Variants in XKR4 observed in about 807,000 individuals in gnomAD.
XKR4 encodes XK-related protein 4.
Under a neutral mutation model 53.9 loss-of-function variants are expected in XKR4, and 12 were observed. The ratio of observed to expected loss-of-function variants is 0.22; its 90% CI spans 0.14 to 0.36. The LOEUF is 0.36. XKR4 is among the 10% of genes least tolerant of loss of function. The probability of loss-of-function intolerance (pLI) is 1.00; values close to 1 mark genes in which losing one functional copy is unlikely to be tolerated. For missense variants in XKR4, 799 were observed against 859.5 expected (o/e 0.93, Z 0.88); for synonymous variants, 354 against 362.4 (o/e 0.98, Z 0.26).
At chr8:55,464,012 A>C (rs939208327) in intron 2 of XKR4, among the ~76,000 whole-genome samples, 6 of 152,148 alleles carry the variant, frequency 3.9e-5, no homozygotes, top group African/African-American at 1.4e-4. Context: ...AAAGTCCAGG[A>C]CCAGATGGAT....
intron 1 of XKR4, among the ~76,000 whole-genome samples, chr8:55,219,604 G>GA (rs1817853349): frequency 2.6e-5 from 4 of 152,270 alleles, no homozygotes; most frequent in African/African-American, 7.2e-5. Flanking sequence ...AATTTCTGAT[G>GA]AATCAGAAAT....
At chr8:55,213,834 A>ATACT (rs1817761815) in intron 1 of XKR4, among the ~76,000 whole-genome samples, 1 of 145,670 alleles carries the variant, frequency 6.9e-6, no homozygotes, top group African/African-American at 2.6e-5. Flanking sequence ...TTTACTATTA[A>ATACT]TACTTCTTTT....
intron 1 of XKR4, among the ~76,000 whole-genome samples, chr8:55,308,285 T>C (rs1351844796): frequency 1.3e-5 from 2 of 152,022 alleles, no homozygotes; most frequent in African/African-American, 4.8e-5. Flanking sequence ...TAAATAAAGA[T>C]ACTACCAGAG....
chr8:55,115,678 G>T (rs1433747019), intron 1 of XKR4, among the ~76,000 whole-genome samples: 1 of 152,026 alleles, frequency 6.6e-6, no homozygotes, highest in Admixed American at 6.5e-5. Context: ...AGCTACTCTG[G>T]AGGCTAAGGC....
chr8:55,193,314 C>A (rs1817467221), intron 1 of XKR4, among the ~76,000 whole-genome samples: 1 of 152,052 alleles, frequency 6.6e-6, no homozygotes, highest in Non-Finnish European at 1.5e-5. Context: ...CTGTGGTTCC[C>A]TTGTTTTTCG....
At chr8:55,506,648 A>G (rs1806529633) in intron 2 of XKR4, among the ~76,000 whole-genome samples, 1 of 152,148 alleles carries the variant, frequency 6.6e-6, no homozygotes, top group Non-Finnish European at 1.5e-5. Context: ...TCCCTAACTA[A>G]TATCTGAGAA....
chr8:55,254,710 C>T (rs1359242297), intron 1 of XKR4, among the ~76,000 whole-genome samples: 1 of 152,158 alleles, frequency 6.6e-6, no homozygotes, highest in East Asian at 1.9e-4. Context: ...ACCGCATGCT[C>T]TCTAGAGTCA....
intron 1 of XKR4, among the ~76,000 whole-genome samples, chr8:55,209,596 G>A (rs978207983): frequency 4.6e-5 from 7 of 152,268 alleles, no homozygotes; most frequent in African/African-American, 9.6e-5. Context: ...GGTGTGCTCC[G>A]CGGACGTGCC....
intron 1 of XKR4, among the ~76,000 whole-genome samples, chr8:55,298,236 A>G (rs1563318487): frequency 6.6e-6 from 1 of 152,188 alleles, no homozygotes. Flanking sequence ...TTGTAAAATA[A>G]TGTAAAAACT....
At chr8:55,149,281 A>G (rs1031156851) in intron 1 of XKR4, among the ~76,000 whole-genome samples, 4 of 152,262 alleles carry the variant, frequency 2.6e-5, no homozygotes, top group Non-Finnish European at 5.9e-5. Flanking sequence ...ACTTTAGTCA[A>G]CTAGTTCTCT....
intron 2 of XKR4, among the ~76,000 whole-genome samples, chr8:55,474,834 G>C (rs76270289): frequency 0.015 from 2,257 of 152,132 alleles, 33 homozygotes; most frequent in Middle Eastern, 0.024. Flanking sequence ...GGACACCCAG[G>C]CACCACATTA....
intron 1 of XKR4, among the ~76,000 whole-genome samples, chr8:55,243,235 T>C (rs1035455274): frequency 6.6e-6 from 1 of 152,166 alleles, no homozygotes; most frequent in African/African-American, 2.4e-5. Context: ...CTCTTCGTGG[T>C]GTACATTGTT....
intron 1 of XKR4, among the ~76,000 whole-genome samples, chr8:55,195,570 A>G (rs530619693): frequency 1.3e-5 from 2 of 152,126 alleles, no homozygotes; most frequent in Admixed American, 1.3e-4. Flanking sequence ...CTAGTTTTTT[A>G]AAAACCGTTT....
chr8:55,378,634 T>A (rs562456577), intron 2 of XKR4, among the ~76,000 whole-genome samples: 1 of 152,234 alleles, frequency 6.6e-6, no homozygotes, highest in South Asian at 2.1e-4. Context: ...TTTATTCTGT[T>A]CAAAACTGCA....
At chr8:55,306,977 A>C (rs780405255) in intron 1 of XKR4, among the ~76,000 whole-genome samples, 11 of 151,940 alleles carry the variant, frequency 7.2e-5, no homozygotes, top group Non-Finnish European at 1.5e-4. Flanking sequence ...CCTCACACCT[A>C]TACACAAATT....
chr8:55,455,203 GCCTGGC>G (rs1431797831), intron 2 of XKR4: 7 of 449,916 alleles, frequency 1.6e-5, no homozygotes, highest in Admixed American at 1.2e-4. Flanking sequence ...CATGGCCCGG[GCCTGGC>G]CCTGGACCGC....
At chr8:55,127,363 C>T (rs1309337640) in intron 1 of XKR4, among the ~76,000 whole-genome samples, 2 of 151,884 alleles carry the variant, frequency 1.3e-5, no homozygotes, top group Non-Finnish European at 2.9e-5. Context: ...AGCAATTCTC[C>T]TGCCTCAGCC....
rs143260916 is a variant in XKR4 at position 55,276,039 on chromosome 8, G to T, written c.807-81639G>T. 5.3e-5 allele frequency among the ~76,000 whole-genome samples: 8 copies of T among 152,280 alleles called. No homozygotes were observed. In the East Asian group the frequency reaches 1.5e-3, roughly 29 times the overall value. On this transcript the variant is annotated intron_variant, in intron 1 of 2. Transcript: ENST00000327381. Reference sequence around the variant, plus strand: ...ACTCTTCCAAATCTTTCTTAACAGCGCTTCAAATAGTGTGATTGTTAAGGC... The same window carrying T: ...ACTCTTCCAAATCTTTCTTAACAGCTCTTCAAATAGTGTGATTGTTAAGGC...
intron 2 of XKR4, among the ~76,000 whole-genome samples, chr8:55,402,908 G>A (rs1039052954): frequency 1.3e-5 from 2 of 152,154 alleles, no homozygotes; most frequent in Non-Finnish European, 2.9e-5. Context: ...GTCAGGGTGT[G>A]CAGCCACACT....
Sources: allele counts gnomAD v4.1 joint callset (sites outside exome capture counted in the v4.1 genomes callset), GRCh38; gene constraint gnomAD v4.1.1; transcripts MANE v1.5; gene names NCBI Gene and HGNC (gene_info 2026-07-23, HGNC 2026-07-21).